The following FSHR variants were observed in gnomAD, a reference collection of about 807,000 sequenced individuals.
The protein encoded by FSHR is follicle-stimulating hormone receptor.
FSHR carries 46 observed loss-of-function variants against 52.1 expected under a neutral mutation model. That is an observed-to-expected ratio of 0.88 (90% CI 0.70 to 1.13). The LOEUF (loss-of-function observed/expected upper bound fraction) is 1.13. FSHR is among the 50% of genes most tolerant of loss of function. The pLI is 0.00. For missense variants in FSHR, 964 were observed against 834.6 expected, an observed-to-expected ratio of 1.16 and a Z score of -1.91; for synonymous variants, 399 against 309.6, an observed-to-expected ratio of 1.29 and a Z score of -3.03.
chr2:49,035,367 A>G (rs1047460615), intron 2 of FSHR, among the ~76,000 whole-genome samples: 1 of 152,206 alleles, frequency 6.6e-6, no homozygotes, highest in Non-Finnish European at 1.5e-5. Context: ...ACCAAGGACA[A>G]TTGGCATTTT....
chr2:49,031,271 G>A (rs1251879760), intron 2 of FSHR, among the ~76,000 whole-genome samples: 1 of 152,156 alleles, frequency 6.6e-6, no homozygotes, highest in Non-Finnish European at 1.5e-5. Flanking sequence ...CCCTATTGAT[G>A]TGTATAATTT....
chr2:49,136,618 T>G (rs563328375), intron 1 of FSHR, among the ~76,000 whole-genome samples: 4 of 152,248 alleles, frequency 2.6e-5, no homozygotes, highest in African/African-American at 9.6e-5. Context: ...CTCAATAAAA[T>G]GCTTGAAAAC....
At chr2:48,997,424 G>A in intron 4 of FSHR, 4 of 982,682 alleles carry the variant, frequency 4.1e-6, no homozygotes, top group Non-Finnish European at 3.6e-6. Flanking sequence ...TATCGGCTTG[G>A]CTGCAGATTC....
chr2:49,150,925 G>GA (rs1037091267), intron 1 of FSHR, among the ~76,000 whole-genome samples: 9 of 151,860 alleles, frequency 5.9e-5, no homozygotes, highest in African/African-American at 2.2e-4. Flanking sequence ...TCACATGGTT[G>GA]AAAAAAATCA....
At chr2:48,969,563 G>A (rs74611035) in intron 8 of FSHR, among the ~76,000 whole-genome samples, 1 of 117,188 alleles carries the variant, frequency 8.5e-6, no homozygotes. Context: ...AAAATCCTAT[G>A]TGTACCTCAG....
chr2:49,073,948 C>T (rs573345353), intron 1 of FSHR, among the ~76,000 whole-genome samples: 1 of 152,182 alleles, frequency 6.6e-6, no homozygotes, highest in Admixed American at 6.5e-5. Flanking sequence ...AAAGGACAGT[C>T]TCTTCAATAA....
intron 1 of FSHR, among the ~76,000 whole-genome samples, chr2:49,082,352 C>T (rs985270442): frequency 6.6e-6 from 1 of 152,082 alleles, no homozygotes; most frequent in Non-Finnish European, 1.5e-5. Flanking sequence ...CTGTACATCA[C>T]CATCATCAAA....
intron 2 of FSHR, among the ~76,000 whole-genome samples, chr2:49,046,215 T>C (rs1668647818): frequency 6.6e-6 from 1 of 152,208 alleles, no homozygotes; most frequent in Non-Finnish European, 1.5e-5. Flanking sequence ...CATGAAGATA[T>C]TCATACTACT....
rs145787472 is a variant in FSHR at position 49,058,961 on chromosome 2, C to A, written c.224+9258G>T. ...CAGTGGCCCACACTTGTAACTCCAG[C>A]ACTTTGGGTGATTGGGGCAGAATGA... On this transcript the variant is annotated intron_variant, in intron 2 of 9. Transcript: ENST00000406846. Among the ~76,000 whole-genome samples, 37 of 152,316 alleles carry A rather than the reference C, an allele frequency of 2.4e-4. No homozygotes were observed. In the East Asian group the frequency reaches 6.9e-3, roughly 29 times the overall value.
chr2:48,967,598 C>A (rs1674534776), intron 9 of FSHR, among the ~76,000 whole-genome samples: 1 of 152,126 alleles, frequency 6.6e-6, no homozygotes, highest in Admixed American at 6.5e-5. Context: ...TGAAGAGTGC[C>A]CATTCTGGAT....
At chr2:49,059,950 G>C (rs893522758) in intron 2 of FSHR, among the ~76,000 whole-genome samples, 1 of 151,994 alleles carries the variant, frequency 6.6e-6, no homozygotes, top group Non-Finnish European at 1.5e-5. Flanking sequence ...TGTTTGCCAA[G>C]TACTCATTTG....
intron 9 of FSHR, among the ~76,000 whole-genome samples, 171 bp downstream of exon 9, chr2:48,968,527 C>A (rs1267052790): frequency 6.6e-6 from 1 of 152,204 alleles, no homozygotes; most frequent in Admixed American, 6.5e-5. Context: ...TGAAAGAGTT[C>A]AACTATTCCT....
intron 1 of FSHR, among the ~76,000 whole-genome samples, chr2:49,109,286 A>G (rs924311443): frequency 1.3e-5 from 2 of 152,084 alleles, no homozygotes; most frequent in Non-Finnish European, 2.9e-5. Context: ...GACAGAGGAA[A>G]GAGACACTTG....
chr2:48,998,108 T>C (rs578241085), intron 4 of FSHR, among the ~76,000 whole-genome samples: 1 of 152,148 alleles, frequency 6.6e-6, no homozygotes, highest in Non-Finnish European at 1.5e-5. Context: ...CTAGAGTTGA[T>C]AAATTAAAGA....
chr2:49,116,861 G>A (rs1220408552), intron 1 of FSHR, among the ~76,000 whole-genome samples: 1 of 152,056 alleles, frequency 6.6e-6, no homozygotes, highest in Non-Finnish European at 1.5e-5. Flanking sequence ...TGCTTTGTTG[G>A]CTCAATTAGA....
At chr2:48,983,571 AAG>A (rs1208338674) in intron 6 of FSHR, among the ~76,000 whole-genome samples, 2 of 152,202 alleles carry the variant, frequency 1.3e-5, no homozygotes, top group African/African-American at 4.8e-5. Flanking sequence ...AAGACAGAGA[AAG>A]AACATTTTGT....
intron 4 of FSHR, among the ~76,000 whole-genome samples, chr2:49,012,030 G>T (rs955677176): frequency 1.3e-5 from 2 of 152,078 alleles, no homozygotes; most frequent in Non-Finnish European, 2.9e-5. Flanking sequence ...CACATGTCAT[G>T]GCAGCCATTA....
At chr2:49,128,091 A>T (rs1672131061) in intron 1 of FSHR, among the ~76,000 whole-genome samples, 1 of 151,644 alleles carries the variant, frequency 6.6e-6, no homozygotes, top group African/African-American at 2.4e-5. Context: ...CATGTTGGCC[A>T]GGCTGGTCTT....
At chr2:49,045,063 G>A (rs935571890) in intron 2 of FSHR, among the ~76,000 whole-genome samples, 4 of 152,196 alleles carry the variant, frequency 2.6e-5, no homozygotes, top group African/African-American at 9.7e-5. Context: ...AATGTGATCT[G>A]ACAATGACAA....
Sources: allele counts gnomAD v4.1 joint callset (sites outside exome capture counted in the v4.1 genomes callset), GRCh38; gene constraint gnomAD v4.1.1; transcripts MANE v1.5; gene names NCBI Gene and HGNC (gene_info 2026-07-23, HGNC 2026-07-21).